RGS3: variants seen among roughly 807,000 people sequenced by gnomAD.
The protein encoded by RGS3 is regulator of G-protein signalling 3.
A neutral mutation model predicts 132.6 loss-of-function variants in RGS3; 80 were observed. The ratio of observed to expected loss-of-function variants is 0.60; its 90% CI spans 0.50 to 0.73. The LOEUF is 0.73. Among genes scored for constraint, RGS3 ranks in the 30% least tolerant of loss-of-function variants. The pLI is 0.00. For missense variants in RGS3, 1,382 were observed against 1,530.8 expected (o/e 0.90, Z 1.62); for synonymous variants, 598 against 620.6 (o/e 0.96, Z 0.54).
chr9:113,493,867 C>T (rs1279872046), intron 7 of RGS3, among the ~76,000 whole-genome samples: 1 of 152,086 alleles, frequency 6.6e-6, no homozygotes, highest in Non-Finnish European at 1.5e-5. Context: ...CTAGCTCAGG[C>T]CCCCTTAGAC....
chr9:113,475,796 C>G (rs1829974367), intron 3 of RGS3, among the ~76,000 whole-genome samples: 1 of 151,996 alleles, frequency 6.6e-6, no homozygotes, highest in South Asian at 2.1e-4. Flanking sequence ...GGGGGGTGTT[C>G]TGAAAGGATG....
At position 113,479,558 on chromosome 9, in the gene RGS3, G is replaced by T. The variant is rs1830095799; in HGVS notation, c.466+17G>T. 1.2e-6 allele frequency: 2 copies of T among 1,613,910 alleles called. No individual in the cohort carries two copies. Among genetic ancestry groups the T allele is most frequent in the Non-Finnish European group, 1.7e-6 (2 of 1,179,836 alleles). On this transcript the variant is annotated intron_variant, in intron 4 of 24. Coordinates refer to ENST00000350696, the Ensembl canonical transcript of RGS3. ...TGCTTCACAGTGAGTACGGCTTTGTGCAGGCTCACCAAGGAAGGGGCGGGC... is the reference window on the plus strand; with the variant it reads ...TGCTTCACAGTGAGTACGGCTTTGTTCAGGCTCACCAAGGAAGGGGCGGGC...
intron 21 of RGS3, among the ~76,000 whole-genome samples, chr9:113,593,279 A>G (rs1370252667): frequency 6.6e-6 from 1 of 152,192 alleles, no homozygotes; most frequent in Non-Finnish European, 1.5e-5. Flanking sequence ...TAGCATCAGA[A>G]GTATAAATGC....
At chr9:113,454,214 G>T (rs1829317405) in intron 1 of RGS3, among the ~76,000 whole-genome samples, 1 of 151,974 alleles carries the variant, frequency 6.6e-6, no homozygotes, top group Non-Finnish European at 1.5e-5. Context: ...CTTTTTATTA[G>T]ATACCAGATT....
At position 113,523,052 on chromosome 9, in the gene RGS3, G is replaced by A. The variant is rs1404166227; in HGVS notation, c.1870+11G>A. ...TGAAGCTGCAGGAAGGTAAGCAGAT[G>A]CCGTAGGTGCCCAGAGCCCCTCTCA... is the stretch of plus-strand genomic sequence containing the variant. On this transcript the variant is annotated intron_variant, in intron 17 of 24. Coordinates refer to ENST00000350696, the Ensembl canonical transcript of RGS3. 1 of 1,550,414 alleles carries A rather than the reference G, an allele frequency of 6.4e-7. No individual in the cohort carries two copies. Among genetic ancestry groups the A allele is most frequent in the East Asian group, 2.2e-5 (1 of 44,614 alleles).
chr9:113,573,747 G>A (rs774614784), intron 19 of RGS3, among the ~76,000 whole-genome samples: 55 of 152,156 alleles, frequency 3.6e-4, no homozygotes, highest in Non-Finnish European at 1.3e-4. Context: ...TCAGTCTCCT[G>A]CCCCTCAGTC....
intron 14 of RGS3, among the ~76,000 whole-genome samples, chr9:113,514,003 G>A (rs1408840200): frequency 2.0e-5 from 3 of 152,180 alleles, no homozygotes; most frequent in East Asian, 1.9e-4. Context: ...AGGAGAGCGC[G>A]TACCCTGCCA....
At chr9:113,508,546 C>T in exon 14 of RGS3, 2 of 1,612,774 alleles carry the variant, frequency 1.2e-6, no homozygotes, top group Non-Finnish European at 1.7e-6. Context: ...TGCAGCTGCT[C>T]CGGCCTGTGT....
chr9:113,481,237 GTGTCTT>G (rs1190673566), intron 4 of RGS3, among the ~76,000 whole-genome samples: 6 of 152,048 alleles, frequency 3.9e-5, no homozygotes, highest in African/African-American at 1.4e-4. Context: ...TTTCTCCTTT[GTGTCTT>G]TGTCACAGCC....
intron 19 of RGS3, chr9:113,564,954 C>G: frequency 9.8e-7 from 1 of 1,019,314 alleles, no homozygotes; most frequent in Non-Finnish European, 1.2e-6. Flanking sequence ...TTGGCTTGGT[C>G]TTGCAGGGAG....
At chr9:113,560,818 C>G (rs1018474652) in intron 19 of RGS3, among the ~76,000 whole-genome samples, 1 of 152,118 alleles carries the variant, frequency 6.6e-6, no homozygotes. Flanking sequence ...CAAAGAGCAG[C>G]CTGGGGTGGT....
chr9:113,596,511 C>T lies in RGS3; in HGVS notation c.3412-257C>T, dbSNP rs1361057121. Among the ~76,000 whole-genome samples the T allele has an allele frequency of 1.3e-4, 20 of 152,196 alleles. 1 individual carries two copies. Among genetic ancestry groups the T allele is most frequent in the Non-Finnish European group, 2.8e-4 (19 of 68,030 alleles). ...CTTCAAGTCACACACCCAGGTGTGGCACTGCTAGGATTTGAACCCAGGAAG... is the reference window on the plus strand; with the variant it reads ...CTTCAAGTCACACACCCAGGTGTGGTACTGCTAGGATTTGAACCCAGGAAG... On this transcript the variant is annotated intron_variant, in intron 24 of 24. Coordinates refer to ENST00000350696, the Ensembl canonical transcript of RGS3.
intron 19 of RGS3, among the ~76,000 whole-genome samples, chr9:113,543,085 A>G (rs925630877): frequency 1.3e-5 from 2 of 152,250 alleles, no homozygotes; most frequent in African/African-American, 4.8e-5. Context: ...GGGAAGCCCA[A>G]GGCTGCAGGT....
intron 15 of RGS3, among the ~76,000 whole-genome samples, chr9:113,516,673 A>G (rs879644208): frequency 1.3e-5 from 2 of 151,636 alleles, no homozygotes; most frequent in Non-Finnish European, 1.5e-5. Flanking sequence ...TCTAATTTTC[A>G]TGTTCATTTT....
chr9:113,485,652 G>T, exon 7 of RGS3: 1 of 1,598,716 alleles, frequency 6.3e-7, no homozygotes. Context: ...ATGATCAGAA[G>T]CGTCTCTTGG....
intron 19 of RGS3, among the ~76,000 whole-genome samples, chr9:113,539,037 T>C (rs1222530916): frequency 6.6e-6 from 1 of 152,200 alleles, no homozygotes; most frequent in African/African-American, 2.4e-5. Flanking sequence ...TATGGAATGC[T>C]CCCTGAGAGG....
intron 14 of RGS3, among the ~76,000 whole-genome samples, chr9:113,511,441 T>A (rs1368086901): frequency 6.6e-6 from 1 of 151,792 alleles, no homozygotes; most frequent in Non-Finnish European, 1.5e-5. Context: ...CCACTCCCAC[T>A]AGCCACATAT....
chr9:113,540,301 A>G (rs1832850481), intron 19 of RGS3, among the ~76,000 whole-genome samples: 1 of 152,086 alleles, frequency 6.6e-6, no homozygotes, highest in Non-Finnish European at 1.5e-5. Flanking sequence ...AGAGACAATT[A>G]TATATTCTTT....
intron 19 of RGS3, among the ~76,000 whole-genome samples, chr9:113,576,742 A>T (rs1834545544): frequency 6.6e-6 from 1 of 152,202 alleles, no homozygotes; most frequent in Admixed American, 6.5e-5. Context: ...TTTGGACTTT[A>T]TCTGAGAGGT....
Sources: allele counts gnomAD v4.1 joint callset (sites outside exome capture counted in the v4.1 genomes callset), GRCh38; gene constraint gnomAD v4.1.1; transcripts MANE v1.5; gene names NCBI Gene and HGNC (gene_info 2026-07-23, HGNC 2026-07-21).